Variants in TRMT1 observed in about 807,000 individuals in gnomAD.
TRMT1 encodes tRNA (guanine(26)-N(2))-dimethyltransferase.
A neutral mutation model predicts 75.4 loss-of-function variants in TRMT1; 63 were observed. The observed-to-expected ratio is 0.84, with a 90% confidence interval of 0.68 to 1.03. The LOEUF is 1.03. Among genes scored for constraint, TRMT1 ranks in the 50% least tolerant of loss-of-function variants. The pLI, the probability that TRMT1 is intolerant of heterozygous loss-of-function variation, is 0.00. For synonymous variants in TRMT1, 382 were observed against 358.1 expected (o/e 1.07, Z -0.75); for missense variants, 870 against 905.3 (o/e 0.96, Z 0.50).
chr19:13,116,033 A>T lies in TRMT1; in HGVS notation c.274T>A (p.Phe92Ile). ...RDLTCAVITE[F>I]ARIQLGAKGI... ...TTGGCCCCAAGCTGAATGCGAGCAA[A>T]CTCGGTGATCACAGCACATCTGGTG... The change falls in exon 3 of 17, where the codon TTT (phenylalanine) becomes ATT (isoleucine). Residue 92 changes from phenylalanine (F) to isoleucine (I), a missense_variant. Phe to Ile is a conservative substitution (Grantham distance 21, BLOSUM62 0). Coordinates refer to ENST00000357720, the MANE Select transcript of TRMT1 (RefSeq NM_001136035.4). 6.2e-7 allele frequency: 1 copy of T among 1,613,690 alleles called. No individual in the cohort carries two copies. The highest frequency in any genetic ancestry group is 1.3e-5 in the African/African-American group (1 of 74,876).
Position 13,107,558 on chromosome 19 carries a change from A to G in TRMT1, c.1583+16T>C, listed in dbSNP as rs774806163. On this transcript the variant is annotated intron_variant, in intron 14 of 16. Transcript: ENST00000357720. ...TGTGGGCAGCCCTGGCCGCTCCTGC[A>G]TGTGCTTGCCCCTACCTGGGCTCCA... The G allele has an allele frequency of 6.3e-7, 1 of 1,593,320 alleles. No homozygotes were observed. Among genetic ancestry groups the G allele is most frequent in the East Asian group, 2.3e-5 (1 of 44,082 alleles).
intron 12 of TRMT1, 58 bp from the exon 13 acceptor site, chr19:13,107,917 G>A (rs2145578514): frequency 7.0e-7 from 1 of 1,432,916 alleles, no homozygotes; most frequent in Non-Finnish European, 9.6e-7. Flanking sequence ...CAAAGCCCAA[G>A]CTGACCAGCG....
At position 13,112,124 on chromosome 19, in the gene TRMT1, G is replaced by A. The variant is rs2019165251; in HGVS notation, c.870+581C>T. Among the ~76,000 whole-genome samples the A allele has an allele frequency of 3.9e-5, 6 of 152,108 alleles. No homozygotes were observed. In the South Asian group the frequency reaches 1.2e-3, roughly 32 times the overall value. On this transcript the variant is annotated intron_variant, in intron 7 of 16. Coordinates refer to ENST00000357720, the MANE Select transcript of TRMT1 (RefSeq NM_001136035.4). ...CCTGCCTCAGCCTCCTGAGTAGCCGGGATTACAGGTATCTGCCACCATGCC... is the reference window on the plus strand; with the variant it reads ...CCTGCCTCAGCCTCCTGAGTAGCCGAGATTACAGGTATCTGCCACCATGCC...
intron 16 of TRMT1, 67 bp downstream of exon 16, chr19:13,105,200 C>A: frequency 1.9e-6 from 3 of 1,567,002 alleles, no homozygotes; most frequent in Admixed American, 3.6e-5. Flanking sequence ...TCCCCCAATT[C>A]TCTCCCTGTT....
chr19:13,105,163 A>G, intron 16 of TRMT1, 82 bp from the exon 17 acceptor site: 5 of 1,546,224 alleles, frequency 3.2e-6, no homozygotes, highest in Non-Finnish European at 4.4e-6. Context: ...TGGGAAGCCC[A>G]CTCCCAAACA....
intron 1 of TRMT1, 44 bp from the exon 2 acceptor site, chr19:13,116,475 C>G (rs1193356516): frequency 2.6e-6 from 4 of 1,529,056 alleles, no homozygotes; most frequent in Non-Finnish European, 3.5e-6. Context: ...GTCAGAGAGC[C>G]GCATTCCGGG....
chr19:13,111,527 G>A (rs1277644742), intron 7 of TRMT1, among the ~76,000 whole-genome samples: 2 of 148,798 alleles, frequency 1.3e-5, no homozygotes, highest in Non-Finnish European at 3.0e-5. Flanking sequence ...GGGATTACAA[G>A]CACCCACCAC....
At chr19:13,107,539 C>T in intron 14 of TRMT1, 35 bp downstream of exon 14, 1 of 1,571,876 alleles carries the variant, frequency 6.4e-7, no homozygotes, top group Non-Finnish European at 8.6e-7. Context: ...TGTCTGTGGG[C>T]AGCCCTGGCC....
Position 13,109,431 on chromosome 19 carries a change from G to C in TRMT1, c.1347C>G (p.Asp449Glu). 6.2e-7 allele frequency: 1 copy of C among 1,613,576 alleles called. No individual in the cohort carries two copies. Among genetic ancestry groups the C allele is most frequent in the Non-Finnish European group, 8.5e-7 (1 of 1,180,010 alleles). The stretch of plus-strand genomic sequence containing the variant: ...TGCAGTGGATGGTGCTGCTCAGCTG[G>C]TCCAGGGTGTAGTACAGAGGCACGT... ...LPDVPLYYTL[D>E]QLSSTIHCNT... The change falls in exon 12 of 17, where the codon GAC (aspartate) becomes GAG (glutamate). Residue 449 changes from aspartate (D) to glutamate (E), a missense_variant. Coordinates refer to ENST00000357720, the MANE Select transcript of TRMT1 (RefSeq NM_001136035.4).
chr19:13,115,916 G>A (rs556645257), intron 3 of TRMT1, 81 bp downstream of exon 3: 20 of 1,611,542 alleles, frequency 1.2e-5, no homozygotes, highest in Admixed American at 8.3e-5. Context: ...AAGCCCCTCT[G>A]GATTTGGGCG....
rs545129700 is a variant in TRMT1, at chr19:13,111,445, G to A, written c.871-1139C>T. Among the ~76,000 whole-genome samples the A allele has an allele frequency of 6.2e-3, 895 of 143,266 alleles. 17 individuals carry two copies. The highest frequency in any genetic ancestry group is 0.054 in the South Asian group (243 of 4,472). The allele number at this position is 143,266 out of a possible 152,430, so 94.0% of individuals were successfully genotyped here. ...GTTGCCCAGGCTGGAGTGCAATGGT[G>A]CCATCTCGGCTCACCGCAACCTCCA... On this transcript the variant is annotated intron_variant, in intron 7 of 16. Coordinates refer to ENST00000357720, the MANE Select transcript of TRMT1 (RefSeq NM_001136035.4).
Position 13,116,690 on chromosome 19 carries a change from T to C in TRMT1, c.-70A>G. On this transcript the variant is annotated 5_prime_UTR_variant, in exon 1 of 17. Transcript: ENST00000357720. ...CCACAGAAAACCGAATTAGTCAAGGTGCACGTTTCCCGAATTAGGACCTGG... is the reference window on the plus strand; with the variant it reads ...CCACAGAAAACCGAATTAGTCAAGGCGCACGTTTCCCGAATTAGGACCTGG... 1 of 435,758 alleles carries C rather than the reference T, an allele frequency of 2.3e-6. No homozygotes were observed. The highest frequency in any genetic ancestry group is 4.1e-6 in the Non-Finnish European group (1 of 242,384). The allele number at this position is 435,758 out of a possible 1,614,324, so 27.0% of individuals were successfully genotyped here.
At chr19:13,108,562 G>A (rs2018984065) in intron 12 of TRMT1, among the ~76,000 whole-genome samples, 1 of 152,004 alleles carries the variant, frequency 6.6e-6, no homozygotes, top group African/African-American at 2.4e-5. Context: ...CAAAGTGCTG[G>A]GATTACAGGC....
intron 5 of TRMT1, among the ~76,000 whole-genome samples, chr19:13,114,667 AT>A (rs113909980): frequency 0.081 from 12,223 of 151,046 alleles, 1,173 homozygotes; most frequent in African/African-American, 0.23. Flanking sequence ...GTGTCAAAAA[AT>A]AAATAAATAA....
chr19:13,115,282 G>A lies in TRMT1; in HGVS notation c.638C>T (p.Ala213Val). Reference sequence around the variant, plus strand: ...GGCTGTGATGCCCAGAACCTACCGGGCATCTGCTTGGCTCGGCTGTACCAG... The same window carrying A: ...GGCTGTGATGCCCAGAACCTACCGGACATCTGCTTGGCTCGGCTGTACCAG... ...AHLVQPSQAD[A>V]RMLMYQHQRV... The change falls in exon 5 of 17, where the codon GCC becomes GTC. Residue 213 changes from alanine (A) to valine (V), a missense_variant. Ala to Val is a moderately conservative substitution (Grantham distance 64). Coordinates refer to ENST00000357720, the MANE Select transcript of TRMT1 (RefSeq NM_001136035.4). The A allele has an allele frequency of 1.9e-6, 3 of 1,610,444 alleles. No individual in the cohort carries two copies. Among genetic ancestry groups the A allele is most frequent in the Non-Finnish European group, 2.5e-6 (3 of 1,178,070 alleles).
chr19:13,109,719 A>G, intron 10 of TRMT1, 35 bp from the exon 11 acceptor site: 7 of 1,613,686 alleles, frequency 4.3e-6, no homozygotes, highest in Non-Finnish European at 5.9e-6. Context: ...AGCAGGGACT[A>G]TGACCTTCAA....
chr19:13,105,600 C>CT lies in TRMT1; in HGVS notation c.1589dup (p.Ala531GlyfsTer24). Reference sequence around the variant, plus strand: ...CATCTTCCCGGATGGTGAAGTTGGCCTGCAGCCTAGGGAAGCAGGGGTGGG... The same window carrying CT: ...CATCTTCCCGGATGGTGAAGTTGGCCTTGCAGCCTAGGGAAGCAGGGGTGGG... On this transcript the variant is annotated frameshift_variant, in exon 15 of 17. Transcript: ENST00000357720. LOFTEE classifies it high-confidence loss of function. The CT allele has an allele frequency of 6.2e-7, 1 of 1,613,336 alleles. No homozygotes were observed. Among genetic ancestry groups the CT allele is most frequent in the Non-Finnish European group, 8.5e-7 (1 of 1,179,796 alleles).
chr19:13,109,792 C>T lies in TRMT1; in HGVS notation c.1153G>A (p.Glu385Lys), dbSNP rs1306665426. ...ACCTGGTGTCGTTGCCCACAGTGTT[C>T]ACACTCGGGGGTCACAGGGGGACCA... ...ACGPPVTPEC[E>K]HCGQRHQLGG... Residue 385 changes from glutamate (E) to lysine (K), a missense_variant, in exon 10 of 17, where the codon GAA becomes AAA. Coordinates refer to ENST00000357720, the MANE Select transcript of TRMT1 (RefSeq NM_001136035.4). The T allele has an allele frequency of 6.2e-7, 1 of 1,614,140 alleles. No homozygotes were observed. The highest frequency in any genetic ancestry group is 8.5e-7 in the Non-Finnish European group (1 of 1,180,022).
In TRMT1 at chr19:13,105,491, G is replaced by C. The variant is rs765411276; in HGVS notation, c.1699C>G (p.Pro567Ala). Reference sequence around the variant, plus strand: ...CCCCACCTTACCACCACTCACCCTGGCCGGGCACGAGGCCGGGGACCCCAG... The same window carrying C: ...CCCCACCTTACCACCACTCACCCTGCCCGGGCACGAGGCCGGGGACCCCAG... Reference protein sequence around the residue: ...ANWGPRPRARPGGKAADEAME... With the variant: ...ANWGPRPRARAGGKAADEAME... Residue 567 changes from proline to alanine, a missense_variant, in exon 15 of 17, where the codon CCA becomes GCA. Transcript: ENST00000357720. The C allele has an allele frequency of 2.5e-6, 4 of 1,614,008 alleles. No homozygotes were observed. The Admixed American group carries it at 6.7e-5, about 27-fold the overall frequency.
Sources: allele counts gnomAD v4.1 joint callset (sites outside exome capture counted in the v4.1 genomes callset), GRCh38; gene constraint gnomAD v4.1.1; transcripts MANE v1.5; gene names NCBI Gene and HGNC (gene_info 2026-07-23, HGNC 2026-07-21).